The following MOB3B variants were observed in gnomAD, a reference collection of about 807,000 sequenced individuals.
MOB3B encodes MOB kinase activator 3B.
MOB3B carries 7 observed loss-of-function variants against 18.7 expected under a neutral mutation model. The observed-to-expected ratio is 0.37, with a 90% CI of 0.21 to 0.70. The LOEUF is 0.70. Ranked by LOEUF, MOB3B falls within the 30% of genes least tolerant of loss-of-function variation. MOB3B has a pLI of 0.52. For synonymous variants in MOB3B, 111 were observed against 99.9 expected (o/e 1.11, Z -0.66); for missense variants, 253 against 281.3 (o/e 0.90, Z 0.72).
intron 2 of MOB3B, chr9:27,378,627 G>T (rs1227134739): frequency 2.1e-6 from 1 of 471,004 alleles, no homozygotes; most frequent in East Asian, 7.0e-5. Flanking sequence ...TGGCTTTCTG[G>T]TCCATTCTCC....
chr9:27,328,887 AC>A lies in MOB3B; in HGVS notation c.*1699del, dbSNP rs2131326554. The stretch of plus-strand genomic sequence containing the variant: ...CTCTCAAAGTTACTTAGGAAGGGGG[AC>A]AAAAGTATGTTTATTGTTGACCAGG... On this transcript the variant is annotated 3_prime_UTR_variant, in exon 4 of 4. Transcript: ENST00000262244. The A allele has an allele frequency of 6.6e-6, 1 of 152,636 alleles. No homozygotes were observed. Among genetic ancestry groups the A allele is most frequent in the African/African-American group, 2.4e-5 (1 of 41,544 alleles). 9.5% of individuals were successfully genotyped at this position (152,636 alleles called of 1,614,324 possible).
At position 27,326,309 on chromosome 9, in the gene MOB3B, T is replaced by C. The variant is rs922892857; in HGVS notation, c.*4278A>G. 31 of 395,216 alleles carry C rather than the reference T, an allele frequency of 7.8e-5. No homozygotes were observed. The highest frequency in any genetic ancestry group is 4.3e-4 in the African/African-American group (21 of 48,624). The allele number at this position is 395,216 out of a possible 1,614,324, so 24.5% of individuals were successfully genotyped here. On this transcript the variant is annotated 3_prime_UTR_variant, in exon 4 of 4. Coordinates refer to ENST00000262244, the MANE Select transcript of MOB3B (RefSeq NM_024761.5). ...CGTAGAGGATGCCACCCTGGGAGAATTGCAAGGGAAAGGAGGCTGAAGCAC... is the reference window on the plus strand; with the variant it reads ...CGTAGAGGATGCCACCCTGGGAGAACTGCAAGGGAAAGGAGGCTGAAGCAC...
At chr9:27,385,865 G>A (rs1206907137) in intron 2 of MOB3B, among the ~76,000 whole-genome samples, 1 of 152,216 alleles carries the variant, frequency 6.6e-6, no homozygotes, top group Non-Finnish European at 1.5e-5. Flanking sequence ...GACAAGCCCT[G>A]GAGCACCTTG....
At chr9:27,444,625 G>T (rs1034448717) in intron 2 of MOB3B, among the ~76,000 whole-genome samples, 2 of 152,154 alleles carry the variant, frequency 1.3e-5, no homozygotes, top group South Asian at 2.1e-4. Flanking sequence ...TTTAGAGAGA[G>T]GAAAGGTTAT....
chr9:27,446,427 A>T (rs1822693637), intron 2 of MOB3B, among the ~76,000 whole-genome samples: 1 of 152,210 alleles, frequency 6.6e-6, no homozygotes, highest in South Asian at 2.1e-4. Flanking sequence ...AAGTTCTATT[A>T]GAGACTCCTT....
intron 2 of MOB3B, among the ~76,000 whole-genome samples, chr9:27,392,395 A>T (rs1821738086): frequency 6.6e-6 from 1 of 152,226 alleles, no homozygotes; most frequent in Non-Finnish European, 1.5e-5. Flanking sequence ...GCAAAATGGT[A>T]TACCGTAGTA....
intron 2 of MOB3B, among the ~76,000 whole-genome samples, chr9:27,369,179 G>A (rs2131365166): frequency 6.6e-6 from 1 of 152,244 alleles, no homozygotes. Context: ...AGGAATATAG[G>A]TCTAGGACTA....
rs77846737 is a variant in MOB3B at position 27,415,766 on chromosome 9, C to T, written c.418+39367G>A. The stretch of plus-strand genomic sequence containing the variant: ...CTTTAGATCTAAAAACAACTGCATC[C>T]TCTGGGGATGACCAAGCAGATGTGT... On this transcript the variant is annotated intron_variant, in intron 2 of 3. Coordinates refer to ENST00000262244, the MANE Select transcript of MOB3B (RefSeq NM_024761.5). Among the ~76,000 whole-genome samples the T allele has an allele frequency of 1.2e-3, 183 of 152,230 alleles. 5 individuals are homozygous for T. In the East Asian group the frequency reaches 0.03, roughly 25 times the overall value.
intron 2 of MOB3B, among the ~76,000 whole-genome samples, chr9:27,387,354 T>C (rs1225833839): frequency 6.6e-6 from 1 of 152,172 alleles, no homozygotes; most frequent in East Asian, 1.9e-4. Flanking sequence ...ATCAGATGCC[T>C]ATCCCTCTTT....
chr9:27,431,578 T>A (rs1337652719), intron 2 of MOB3B, among the ~76,000 whole-genome samples: 4 of 152,206 alleles, frequency 2.6e-5, no homozygotes, highest in African/African-American at 7.2e-5. Flanking sequence ...GATGTAAATA[T>A]TCCTTGAGAC....
At chr9:27,418,434 T>TA (rs756510916) in intron 2 of MOB3B, among the ~76,000 whole-genome samples, 10 of 151,938 alleles carry the variant, frequency 6.6e-5, no homozygotes, top group Admixed American at 2.6e-4. Context: ...CTAAAATCCT[T>TA]AAAAAAAATA....
chr9:27,510,143 GA>G (rs1820121846), intron 1 of MOB3B, among the ~76,000 whole-genome samples: 1 of 152,190 alleles, frequency 6.6e-6, no homozygotes, highest in South Asian at 2.1e-4. Context: ...CTCATTTGAT[GA>G]AAATCAAGAA....
intron 2 of MOB3B, among the ~76,000 whole-genome samples, chr9:27,418,334 A>G (rs553038104): frequency 6.6e-6 from 1 of 152,234 alleles, no homozygotes; most frequent in African/African-American, 2.4e-5. Flanking sequence ...AATTCACTCT[A>G]TGAAGCCAGC....
intron 2 of MOB3B, among the ~76,000 whole-genome samples, chr9:27,434,061 T>TG (rs762158135): frequency 6.6e-4 from 100 of 152,312 alleles, no homozygotes; most frequent in Admixed American, 1.4e-3. Flanking sequence ...TGAAGATGCA[T>TG]GGTAGCCTCA....
chr9:27,430,928 GA>G (rs879750135), intron 2 of MOB3B, among the ~76,000 whole-genome samples: 203 of 127,260 alleles, frequency 1.6e-3, no homozygotes, highest in East Asian at 9.1e-3. Flanking sequence ...GCCTGCTTGG[GA>G]AAAAAAAAAA....
intron 1 of MOB3B, among the ~76,000 whole-genome samples, chr9:27,477,297 T>C (rs574318868): frequency 2.4e-4 from 37 of 152,202 alleles, no homozygotes; most frequent in Non-Finnish European, 5.4e-4. Context: ...ACACCCCAGA[T>C]ACCAGCATGA....
intron 2 of MOB3B, among the ~76,000 whole-genome samples, chr9:27,393,138 T>C (rs1204274021): frequency 1.3e-5 from 2 of 152,234 alleles, no homozygotes; most frequent in Non-Finnish European, 2.9e-5. Context: ...AAATAGCAGT[T>C]CTACACCTTG....
At chr9:27,370,415 G>C (rs1178885808) in intron 2 of MOB3B, among the ~76,000 whole-genome samples, 1 of 151,628 alleles carries the variant, frequency 6.6e-6, no homozygotes, top group Non-Finnish European at 1.5e-5. Flanking sequence ...GGCTGAGGCA[G>C]GAGAATCACT....
In MOB3B at chr9:27,455,564, G is replaced by T. The variant is rs543621829; in HGVS notation, c.-14C>A. 1 of 1,613,818 alleles carries T rather than the reference G, an allele frequency of 6.2e-7. No homozygotes were observed. The highest frequency in any genetic ancestry group is 1.7e-5 in the Admixed American group (1 of 59,970). On this transcript the variant is annotated 5_prime_UTR_variant, in exon 2 of 4. Transcript: ENST00000262244. ...GGCTATGGACATGGTCTTCTCTTTC[G>T]CTTCCTTTCTTTTGCAGGAAGCGAA...
Sources: allele counts gnomAD v4.1 joint callset (sites outside exome capture counted in the v4.1 genomes callset), GRCh38; gene constraint gnomAD v4.1.1; transcripts MANE v1.5; gene names NCBI Gene and HGNC (gene_info 2026-07-23, HGNC 2026-07-21).